Variants in WDFY4 observed in about 807,000 individuals in gnomAD.
The protein encoded by WDFY4 is WDFY family member 4.
WDFY4 carries 169 observed loss-of-function variants against 351.9 expected under a neutral mutation model. That is an observed-to-expected ratio of 0.48 (90% CI 0.42 to 0.55). The LOEUF (loss-of-function observed/expected upper bound fraction) is 0.55. Ranked by LOEUF, WDFY4 falls within the 20% of genes least tolerant of loss-of-function variation. The pLI is 0.00. For missense variants in WDFY4, 3,803 were observed against 3,935.6 expected, an observed-to-expected ratio of 0.97 and a Z score of 0.90; for synonymous variants, 1,622 against 1,574.6, an observed-to-expected ratio of 1.03 and a Z score of -0.71.
At chr10:48,755,762 G>T (rs2065318469) in intron 12 of WDFY4, among the ~76,000 whole-genome samples, 1 of 152,062 alleles carries the variant, frequency 6.6e-6, no homozygotes, top group Non-Finnish European at 1.5e-5. Flanking sequence ...GGCTTTGTAA[G>T]ATATCAAATG....
chr10:48,802,680 C>T, intron 24 of WDFY4: 1 of 471,128 alleles, frequency 2.1e-6, no homozygotes, highest in South Asian at 1.5e-5. Flanking sequence ...ATCAACTTCA[C>T]TTTCAGAATC....
At chr10:48,799,211 T>C (rs1158536624) in intron 24 of WDFY4, among the ~76,000 whole-genome samples, 1 of 151,996 alleles carries the variant, frequency 6.6e-6, no homozygotes, top group African/African-American at 2.4e-5. Context: ...TCAGGAGATC[T>C]GGTGCTTTTA....
intron 40 of WDFY4, among the ~76,000 whole-genome samples, chr10:48,871,300 C>T (rs997274922): frequency 6.6e-6 from 1 of 152,310 alleles, no homozygotes; most frequent in African/African-American, 2.4e-5. Flanking sequence ...TGAGATTATT[C>T]ATCCTCCATG....
intron 47 of WDFY4, among the ~76,000 whole-genome samples, chr10:48,908,361 A>C (rs1837735271): frequency 6.6e-6 from 1 of 152,188 alleles, no homozygotes; most frequent in South Asian, 2.1e-4. Flanking sequence ...ACCTCCAGAA[A>C]ACCTGGGACA....
Position 48,730,178 on chromosome 10 carries a change from G to A in WDFY4, c.1129+589G>A, listed in dbSNP as rs569444833. Among the ~76,000 whole-genome samples the A allele has an allele frequency of 2.6e-5, 4 of 152,370 alleles. No individual in the cohort carries two copies. The South Asian group carries it at 8.3e-4, about 32-fold the overall frequency. Reference sequence around the variant, plus strand: ...TGCCGGAGGGAGTTTTTAAGGCTAAGTGTGGGTTGTCTAGGTTGAGATGAA... The same window carrying A: ...TGCCGGAGGGAGTTTTTAAGGCTAAATGTGGGTTGTCTAGGTTGAGATGAA... On this transcript the variant is annotated intron_variant, in intron 8 of 61. Transcript: ENST00000325239.
At chr10:48,874,973 A>G in intron 41 of WDFY4, 116 bp from the exon 42 acceptor site, 1 of 466,840 alleles carries the variant, frequency 2.1e-6, no homozygotes, top group Non-Finnish European at 3.6e-6. Flanking sequence ...TGAGTCTTGC[A>G]TAATTTGAAG....
At chr10:48,868,239 C>T (rs904965882) in intron 40 of WDFY4, among the ~76,000 whole-genome samples, 2 of 152,196 alleles carry the variant, frequency 1.3e-5, no homozygotes, top group Non-Finnish European at 2.9e-5. Flanking sequence ...GCCTGAACCC[C>T]AGAAACACAC....
At chr10:48,966,213 GAC>G (rs1467493218) in intron 54 of WDFY4, among the ~76,000 whole-genome samples, 3 of 152,178 alleles carry the variant, frequency 2.0e-5, no homozygotes, top group Non-Finnish European at 2.9e-5. Context: ...ATGATTGAGA[GAC>G]AGTTCTTCTG....
At chr10:48,729,740 C>T (rs2064391598) in intron 8 of WDFY4, 151 bp downstream of exon 8, 2 of 627,018 alleles carry the variant, frequency 3.2e-6, no homozygotes, top group South Asian at 7.1e-5. Context: ...TGAATATCTC[C>T]CATGGGACTT....
intron 47 of WDFY4, among the ~76,000 whole-genome samples, chr10:48,921,873 G>A (rs981875792): frequency 3.9e-5 from 6 of 152,144 alleles, no homozygotes; most frequent in Non-Finnish European, 2.9e-5. Context: ...TGATGGGAAT[G>A]CAAAATGGTA....
At chr10:48,890,766 C>G in intron 44 of WDFY4, 39 bp downstream of exon 44, 1 of 1,549,368 alleles carries the variant, frequency 6.5e-7, no homozygotes, top group Non-Finnish European at 8.7e-7. Context: ...CTTCCCTGAG[C>G]CCCATTCATC....
chr10:48,749,562 A>G (rs1285713279), intron 12 of WDFY4, among the ~76,000 whole-genome samples: 6 of 152,048 alleles, frequency 3.9e-5, no homozygotes, highest in Non-Finnish European at 7.4e-5. Flanking sequence ...ACATACACAC[A>G]CCATAGAATG....
In WDFY4 at chr10:48,928,346, G is replaced by A. The variant is rs540562151; in HGVS notation, c.7587-13460G>A. ...CAATGCGTGGCCCTTGGAGGCTTTG[G>A]TTTTGACGTGTGTGTGTGTGTGTGT... On this transcript the variant is annotated intron_variant, in intron 47 of 61. Transcript: ENST00000325239. Among the ~76,000 whole-genome samples, 3 of 143,326 alleles carry A rather than the reference G, an allele frequency of 2.1e-5. No homozygotes were observed. The South Asian group carries it at 6.9e-4, about 33-fold the overall frequency. 94.0% of individuals were successfully genotyped at this position (143,326 alleles called of 152,430 possible). A position where few individuals can be genotyped will look rare whatever the true frequency, so the allele number is the denominator to read the frequency against.
At position 48,731,474 on chromosome 10, in the gene WDFY4, C is replaced by T; in HGVS notation, c.1494C>T (p.Pro498=). Residue 498 remains proline (P), a synonymous_variant, in exon 9 of 62, where the codon CCC becomes CCT. Coordinates refer to ENST00000325239, the MANE Select transcript of WDFY4 (RefSeq NM_001394531.1). ...TCCTCAGCATCGCTGGTGGGGACCC[C>T]CTCTTCACCGACATCTTCCGGGACT... ...QSILSIAGGD[P]LFTDIFRDSG... 2 of 1,551,664 alleles carry T rather than the reference C, an allele frequency of 1.3e-6. No individual in the cohort carries two copies. The highest frequency in any genetic ancestry group is 1.7e-6 in the Non-Finnish European group (2 of 1,147,004).
chr10:48,775,874 G>A (rs577007508), intron 15 of WDFY4, 68 bp downstream of exon 15: 5 of 1,394,114 alleles, frequency 3.6e-6, no homozygotes, highest in Non-Finnish European at 4.0e-6. Flanking sequence ...CCTGCTGAGG[G>A]ATCCTTTACA....
chr10:48,941,910 C>T, intron 48 of WDFY4, 62 bp downstream of exon 48: 1 of 1,485,592 alleles, frequency 6.7e-7, no homozygotes, highest in Non-Finnish European at 9.2e-7. Context: ...GGCTCAGGCC[C>T]CAGCGATGGA....
intron 30 of WDFY4, among the ~76,000 whole-genome samples, chr10:48,812,673 C>G (rs1046843610): frequency 6.6e-6 from 1 of 152,198 alleles, no homozygotes; most frequent in Non-Finnish European, 1.5e-5. Flanking sequence ...AAAGAGGAGT[C>G]TGTGCTCACC....
intron 24 of WDFY4, 133 bp from the exon 25 acceptor site, chr10:48,803,153 T>TC: frequency 2.4e-6 from 2 of 848,758 alleles, no homozygotes; most frequent in South Asian, 3.3e-5. Flanking sequence ...CTGATCTGAT[T>TC]CCAGAGCTGG....
intron 1 of WDFY4, among the ~76,000 whole-genome samples, chr10:48,698,900 A>T (rs2132130985): frequency 6.6e-6 from 1 of 152,284 alleles, no homozygotes; most frequent in East Asian, 1.9e-4. Context: ...CAAGTTTGAA[A>T]TCTTCAGAGT....
Sources: gnomAD v4.1 joint callset for allele counts (sites outside exome capture counted in the v4.1 genomes callset) on GRCh38, gnomAD v4.1.1 for gene constraint, MANE v1.5 for transcripts, NCBI Gene and HGNC (gene_info 2026-07-23, HGNC 2026-07-21) for gene names.